Variants in KPNA7 observed in about 807,000 individuals in gnomAD.
The protein encoded by KPNA7 is karyopherin subunit alpha 7, also known as importin subunit alpha-8.
Under a neutral mutation model 53.7 loss-of-function variants are expected in KPNA7, and 54 were observed. That is an observed-to-expected ratio of 1.01 (90% CI 0.81 to 1.26). The LOEUF is 1.26. Among genes scored for constraint, KPNA7 ranks in the 50% most tolerant of loss-of-function variants. The pLI is 0.00. For synonymous variants in KPNA7, 276 were observed against 259.3 expected, an observed-to-expected ratio of 1.06 and a Z score of -0.62; for missense variants, 640 against 644.5, an observed-to-expected ratio of 0.99 and a Z score of 0.07.
At chr7:99,174,531 C>T (rs1798833094) in intron 10 of KPNA7, among the ~76,000 whole-genome samples, 1 of 152,156 alleles carries the variant, frequency 6.6e-6, no homozygotes, top group South Asian at 2.1e-4. Flanking sequence ...TATTTAATCA[C>T]TCCTCATTCC....
intron 8 of KPNA7, among the ~76,000 whole-genome samples, chr7:99,183,567 T>TA (rs2150720734): frequency 6.6e-6 from 1 of 152,302 alleles, no homozygotes; most frequent in South Asian, 2.1e-4. Flanking sequence ...GAAGATGCTA[T>TA]AATTTGGGCA....
chr7:99,148,583 A>G, the KPNA7 span, among the ~76,000 whole-genome samples: 1 of 152,048 alleles, frequency 6.6e-6, no homozygotes, highest in African/African-American at 2.4e-5. Context: ...TAGTCCCTAG[A>G]TTAATAACTC....
At chr7:99,178,174 T>C in intron 9 of KPNA7, 108 bp from the exon 10 acceptor site, 1 of 941,116 alleles carries the variant, frequency 1.1e-6, no homozygotes, top group Non-Finnish European at 1.6e-6. Flanking sequence ...GACCAAAGGC[T>C]ACCATTCCAG....
chr7:99,168,982 G>C (rs1312994104), downstream of KPNA7, among the ~76,000 whole-genome samples: 2 of 152,140 alleles, frequency 1.3e-5, no homozygotes, highest in Non-Finnish European at 2.9e-5. Flanking sequence ...AAGGTCAAGA[G>C]ATTGAGACCA....
chr7:99,165,476 G>A, the KPNA7 span, among the ~76,000 whole-genome samples: 1 of 152,098 alleles, frequency 6.6e-6, no homozygotes, highest in Admixed American at 6.6e-5. Context: ...TCTCAGCAGT[G>A]GACAGATAAT....
At chr7:99,156,272 TTTATGG>T in the KPNA7 span, among the ~76,000 whole-genome samples, 1 of 152,198 alleles carries the variant, frequency 6.6e-6, no homozygotes, top group Non-Finnish European at 1.5e-5. Flanking sequence ...TGATTCTAAA[TTTATGG>T]TTATAATTTT....
At chr7:99,157,398 AGG>A in the KPNA7 span, among the ~76,000 whole-genome samples, 1 of 152,094 alleles carries the variant, frequency 6.6e-6, no homozygotes, top group African/African-American at 2.4e-5. Flanking sequence ...TAGTAGAAAC[AGG>A]GTTTCTCCAT....
At chr7:99,171,509 A>G (rs1337633902), downstream of KPNA7, among the ~76,000 whole-genome samples, 3 of 152,176 alleles carry the variant, frequency 2.0e-5, no homozygotes, top group Non-Finnish European at 4.4e-5. Context: ...TGGCACCATC[A>G]TAGCTCACTG....
chr7:99,160,301 C>T, the KPNA7 span, among the ~76,000 whole-genome samples: 3 of 151,946 alleles, frequency 2.0e-5, no homozygotes, highest in Non-Finnish European at 4.4e-5. Flanking sequence ...GCTGGGATTA[C>T]AGGCGTGAGC....
the KPNA7 span, among the ~76,000 whole-genome samples, chr7:99,152,404 A>T: frequency 6.6e-6 from 1 of 151,924 alleles, no homozygotes; most frequent in African/African-American, 2.4e-5. Flanking sequence ...GAAAAAAAAA[A>T]GTAAAAATGA....
intron 7 of KPNA7, 125 bp downstream of exon 7, chr7:99,188,175 A>C (rs1470284321): frequency 2.8e-6 from 1 of 352,864 alleles, no homozygotes; most frequent in Non-Finnish European, 3.7e-6. Context: ...ACTCTGTCTC[A>C]AAAAAAAAAA....
chr7:99,205,262 A>T (rs1273046889), intron 2 of KPNA7, among the ~76,000 whole-genome samples: 1 of 151,356 alleles, frequency 6.6e-6, no homozygotes, highest in Admixed American at 6.6e-5. Context: ...TCTCTACCAA[A>T]ATGCAAAAAA....
chr7:99,194,848 G>A (rs774843955), intron 5 of KPNA7, among the ~76,000 whole-genome samples: 2 of 152,006 alleles, frequency 1.3e-5, no homozygotes, highest in African/African-American at 2.4e-5. Context: ...CAAGTGATCC[G>A]TCCGCCTTGG....
intron 8 of KPNA7, among the ~76,000 whole-genome samples, chr7:99,183,857 GTTTTTT>G (rs901071147): frequency 6.6e-6 from 1 of 151,898 alleles, no homozygotes; most frequent in African/African-American, 2.4e-5. Context: ...TTTTGTTTTT[GTTTTTT>G]TGCGACAGTT....
At chr7:99,202,792 GCT>G (rs1253588192) in intron 3 of KPNA7, among the ~76,000 whole-genome samples, 3 of 152,076 alleles carry the variant, frequency 2.0e-5, no homozygotes, top group Non-Finnish European at 4.4e-5. Context: ...GCTGCAATGA[GCT>G]CTGATTGTGC....
At chr7:99,197,215 G>A (rs182857459) in intron 3 of KPNA7, among the ~76,000 whole-genome samples, 4 of 152,240 alleles carry the variant, frequency 2.6e-5, no homozygotes, top group Non-Finnish European at 4.4e-5. Flanking sequence ...TTCGTGGTTC[G>A]AAGTGTTAAA....
At chr7:99,161,619 G>A in the KPNA7 span, among the ~76,000 whole-genome samples, 1 of 152,090 alleles carries the variant, frequency 6.6e-6, no homozygotes, top group Non-Finnish European at 1.5e-5. Context: ...TAATTCATGA[G>A]GCTTTGAATT....
chr7:99,168,520 C>T, the KPNA7 span, among the ~76,000 whole-genome samples: 1 of 151,728 alleles, frequency 6.6e-6, no homozygotes, highest in African/African-American at 2.4e-5. Context: ...CTTATTTTTT[C>T]TTTTTTAAGA....
chr7:99,174,802 G>A (rs958478929), intron 10 of KPNA7, among the ~76,000 whole-genome samples: 5 of 149,546 alleles, frequency 3.3e-5, no homozygotes, highest in African/African-American at 1.3e-4. Context: ...TTTAAAAGAG[G>A]TCTCTTATTT....
Sources: allele counts gnomAD v4.1 joint callset (sites outside exome capture counted in the v4.1 genomes callset), GRCh38; gene constraint gnomAD v4.1.1; transcripts MANE v1.5; gene names NCBI Gene and HGNC (gene_info 2026-07-23, HGNC 2026-07-21).